The following CPN1 variants were observed in gnomAD, a reference collection of about 807,000 sequenced individuals.
CPN1 encodes carboxypeptidase N subunit 1.
A neutral mutation model predicts 46.4 loss-of-function variants in CPN1; 37 were observed. That is an observed-to-expected ratio of 0.80 (90% CI 0.61 to 1.05). CPN1 has a LOEUF of 1.05. Among genes scored for constraint, CPN1 ranks in the 50% least tolerant of loss-of-function variants. The probability of loss-of-function intolerance (pLI) is 0.00; values close to 1 mark genes in which losing one functional copy is unlikely to be tolerated. For synonymous variants in CPN1, 224 were observed against 235.4 expected (o/e 0.95, Z 0.44); for missense variants, 563 against 602.6 (o/e 0.93, Z 0.69).
At chr10:100,074,200 G>A (rs981869492) in intron 2 of CPN1, among the ~76,000 whole-genome samples, 4 of 152,190 alleles carry the variant, frequency 2.6e-5, no homozygotes, top group Non-Finnish European at 4.4e-5. Context: ...CCACCTACAA[G>A]TGGCTTCAAA....
Position 100,073,693 on chromosome 10 carries a change from G to A in CPN1, c.420+2218C>T, listed in dbSNP as rs1025273331. ...TGCAATGGCGTGATCTCAGCTCACC[G>A]CAACCTTCATCTCCCAGGTTCAAGT... On this transcript the variant is annotated intron_variant, in intron 2 of 8. Coordinates refer to ENST00000370418, the MANE Select transcript of CPN1 (RefSeq NM_001308.3). 1.3e-4 allele frequency among the ~76,000 whole-genome samples: 18 copies of A among 142,418 alleles called. No homozygotes were observed. The Admixed American group carries it at 1.4e-3, about 11-fold the overall frequency. The allele number at this position is 142,418 out of a possible 152,430, so 93.4% of individuals were successfully genotyped here.
chr10:100,055,627 C>T (rs574155401), intron 6 of CPN1, among the ~76,000 whole-genome samples: 5 of 152,268 alleles, frequency 3.3e-5, no homozygotes, highest in African/African-American at 9.6e-5. Context: ...CGGGTTCAAG[C>T]GATTCTCCTG....
At chr10:100,060,879 C>T (rs1347963583) in intron 5 of CPN1, among the ~76,000 whole-genome samples, 4 of 151,784 alleles carry the variant, frequency 2.6e-5, no homozygotes, top group South Asian at 2.1e-4. Context: ...CATCAACAGA[C>T]GAATGGATAA....
In CPN1 at chr10:100,052,378, G is replaced by C. The variant is rs1283255743; in HGVS notation, c.1111+1969C>G. ...GAGCCACCGCTCCTGGCCACACCCA[G>C]CTAATTTTTGTAGTTTTAGTAGAGA... On this transcript the variant is annotated intron_variant, in intron 7 of 8. Transcript: ENST00000370418. Among the ~76,000 whole-genome samples the C allele has an allele frequency of 2.6e-5, 4 of 151,460 alleles. No individual in the cohort carries two copies. The East Asian group carries it at 7.9e-4, about 30-fold the overall frequency.
At chr10:100,060,244 T>C (rs2041409053) in intron 5 of CPN1, among the ~76,000 whole-genome samples, 2 of 152,148 alleles carry the variant, frequency 1.3e-5, no homozygotes, top group African/African-American at 2.4e-5. Context: ...CAATGGTAAA[T>C]TTTATGTTAT....
intron 5 of CPN1, among the ~76,000 whole-genome samples, chr10:100,061,702 GGA>G (rs1415133831): frequency 1.3e-5 from 2 of 151,986 alleles, no homozygotes; most frequent in African/African-American, 4.8e-5. Context: ...GGGAGAGGGA[GGA>G]GAGAGAGAAA....
chr10:100,059,592 C>CAAAAA (rs71013408), intron 5 of CPN1, among the ~76,000 whole-genome samples: 20 of 115,056 alleles, frequency 1.7e-4, no homozygotes, highest in African/African-American at 4.9e-4. Context: ...TGGCTACTAT[C>CAAAAA]AAAAAAAAAA....
chr10:100,070,926 C>G (rs1226372406), intron 2 of CPN1, among the ~76,000 whole-genome samples: 1 of 152,134 alleles, frequency 6.6e-6, no homozygotes, highest in Admixed American at 6.6e-5. Flanking sequence ...AAATAGACAC[C>G]TCATTCCCAT....
chr10:100,044,900 AG>A (rs2041299453), intron 8 of CPN1, among the ~76,000 whole-genome samples: 3 of 152,018 alleles, frequency 2.0e-5, no homozygotes, highest in Admixed American at 1.3e-4. Context: ...GAGTAGAGAC[AG>A]GGCTTCGCCA....
chr10:100,043,864 A>G (rs1447549532), intron 8 of CPN1, among the ~76,000 whole-genome samples: 1 of 151,986 alleles, frequency 6.6e-6, no homozygotes, highest in Non-Finnish European at 1.5e-5. Context: ...CAAGCACTAC[A>G]TTGCAACCTC....
Position 100,075,229 on chromosome 10 carries a change from G to A in CPN1, c.420+682C>T, listed in dbSNP as rs193055791. Among the ~76,000 whole-genome samples the A allele has an allele frequency of 6.1e-4, 93 of 152,296 alleles. No individual in the cohort carries two copies. In the East Asian group the frequency reaches 0.015, roughly 24 times the overall value. ...TGCTTGAACCTGGGAGGCAGAAATCGCAGTGAGCCGAGATCGCACCACTGC... is the reference window on the plus strand; with the variant it reads ...TGCTTGAACCTGGGAGGCAGAAATCACAGTGAGCCGAGATCGCACCACTGC... On this transcript the variant is annotated intron_variant, in intron 2 of 8. Coordinates refer to ENST00000370418, the MANE Select transcript of CPN1 (RefSeq NM_001308.3).
intron 1 of CPN1, 35 bp from the exon 2 acceptor site, chr10:100,076,142 A>C (rs768694390): frequency 3.1e-6 from 5 of 1,605,720 alleles, no homozygotes. Context: ...GAAGCTTGGA[A>C]GTGTCATTGA....
intron 8 of CPN1, among the ~76,000 whole-genome samples, chr10:100,044,428 G>A (rs2041296392): frequency 6.6e-6 from 1 of 152,156 alleles, no homozygotes. Flanking sequence ...AGGCTGGAGT[G>A]CAGTGGTGCA....
chr10:100,059,717 G>C (rs550818005), intron 5 of CPN1, among the ~76,000 whole-genome samples: 3 of 151,864 alleles, frequency 2.0e-5, no homozygotes, highest in Admixed American at 1.3e-4. Flanking sequence ...ACTACCTTAT[G>C]TCCAACAGTT....
chr10:100,067,839 A>G (rs1353877734), intron 3 of CPN1, among the ~76,000 whole-genome samples: 1 of 152,054 alleles, frequency 6.6e-6, no homozygotes, highest in Admixed American at 6.6e-5. Flanking sequence ...AGTAATGATA[A>G]AGTAGTCAAA....
At chr10:100,053,976 C>T (rs571068514) in intron 7 of CPN1, among the ~76,000 whole-genome samples, 3 of 152,126 alleles carry the variant, frequency 2.0e-5, no homozygotes, top group East Asian at 3.9e-4. Context: ...TCTTTCTACC[C>T]GATTTCACAC....
At chr10:100,078,288 C>T (rs1375711533) in intron 1 of CPN1, among the ~76,000 whole-genome samples, 1 of 152,204 alleles carries the variant, frequency 6.6e-6, no homozygotes, top group Non-Finnish European at 1.5e-5. Flanking sequence ...CTTTTGGCCT[C>T]AGGCAGTCCT....
At chr10:100,059,925 T>G (rs538293457) in intron 5 of CPN1, among the ~76,000 whole-genome samples, 114 of 152,300 alleles carry the variant, frequency 7.5e-4, no homozygotes, top group Non-Finnish European at 1.3e-3. Context: ...GTAAGGAAAT[T>G]CTGACAAACG....
chr10:100,070,746 G>T (rs1183840635), intron 2 of CPN1, among the ~76,000 whole-genome samples: 1 of 152,196 alleles, frequency 6.6e-6, no homozygotes, highest in Non-Finnish European at 1.5e-5. Flanking sequence ...TAAGAGTAGG[G>T]TGTTTCGGGA....
Sources: allele counts gnomAD v4.1 joint callset (sites outside exome capture counted in the v4.1 genomes callset), GRCh38; gene constraint gnomAD v4.1.1; transcripts MANE v1.5; gene names NCBI Gene and HGNC (gene_info 2026-07-23, HGNC 2026-07-21).